ARHGAP32: variants seen among roughly 807,000 people sequenced by gnomAD.
The protein encoded by ARHGAP32 is Rho GTPase activating protein 32.
Under a neutral mutation model 186.5 loss-of-function variants are expected in ARHGAP32, and 51 were observed. The ratio of observed to expected loss-of-function variants is 0.27; its 90% CI spans 0.22 to 0.35. ARHGAP32 has a LOEUF of 0.35. ARHGAP32 is among the 10% of genes least tolerant of loss of function. ARHGAP32 has a pLI of 1.00. For missense variants in ARHGAP32, 2,186 were observed against 2,623.5 expected, an observed-to-expected ratio of 0.83 and a Z score of 3.64; for synonymous variants, 950 against 964.3, an observed-to-expected ratio of 0.99 and a Z score of 0.27.
intron 1 of ARHGAP32, among the ~76,000 whole-genome samples, chr11:129,184,237 AAGGCAG>A (rs2135538997): frequency 6.6e-6 from 1 of 152,252 alleles, no homozygotes; most frequent in South Asian, 2.1e-4. Flanking sequence ...TAAGACAAGC[AAGGCAG>A]AGCCATATGC....
chr11:129,169,631 CAAAAAAAAAAA>C (rs35715241), intron 1 of ARHGAP32, among the ~76,000 whole-genome samples: 5 of 75,150 alleles, frequency 6.7e-5, no homozygotes, highest in Admixed American at 3.3e-4. Context: ...GACTCTGTCT[CAAAAAAAAAAA>C]AAAAAAAAAA....
intron 17 of ARHGAP32, 33 bp downstream of exon 17, chr11:128,981,383 C>A (rs766678307): frequency 1.2e-5 from 19 of 1,547,836 alleles, no homozygotes; most frequent in Non-Finnish European, 4.4e-6. Flanking sequence ...CTGAGACACA[C>A]CCTCCTGGTA....
At position 129,239,094 on chromosome 11, in the gene ARHGAP32, C is replaced by A. The variant is rs149078942; in HGVS notation, c.-5+40052G>T. Among the ~76,000 whole-genome samples the A allele has an allele frequency of 2.8e-3, 432 of 152,296 alleles. 7 individuals carry two copies. The highest frequency in any genetic ancestry group is 1.0e-2 in the African/African-American group (414 of 41,558). On this transcript the variant is annotated intron_variant, in intron 1 of 6. Transcript: ENST00000525234. ...CAAACCCCTGGGCTCAAGCAATCCTCCCACCTCAACCTACCAAAGTGCTGG... is the reference window on the plus strand; with the variant it reads ...CAAACCCCTGGGCTCAAGCAATCCTACCACCTCAACCTACCAAAGTGCTGG...
At chr11:129,063,493 G>A (rs1177417927) in intron 9 of ARHGAP32, among the ~76,000 whole-genome samples, 1 of 151,868 alleles carries the variant, frequency 6.6e-6, no homozygotes, top group Non-Finnish European at 1.5e-5. Flanking sequence ...ATTGTTTTTA[G>A]GTACAAAAAC....
intron 2 of ARHGAP32, among the ~76,000 whole-genome samples, chr11:129,142,666 G>C (rs1158913270): frequency 6.6e-6 from 1 of 151,632 alleles, no homozygotes; most frequent in Non-Finnish European, 1.5e-5. Flanking sequence ...AATGCAATCA[G>C]TGTTAAGTAT....
intron 1 of ARHGAP32, among the ~76,000 whole-genome samples, chr11:129,198,931 G>A (rs1385383871): frequency 6.6e-6 from 1 of 152,276 alleles, no homozygotes; most frequent in Middle Eastern, 3.4e-3. Flanking sequence ...CATGGACAAT[G>A]AAATCCAGGC....
intron 12 of ARHGAP32, among the ~76,000 whole-genome samples, chr11:128,992,037 G>C (rs1946070669): frequency 6.6e-6 from 1 of 152,104 alleles, no homozygotes; most frequent in African/African-American, 2.4e-5. Context: ...TCAGGGAGAT[G>C]GTTTCCAGGC....
intron 1 of ARHGAP32, among the ~76,000 whole-genome samples, chr11:129,225,963 G>A (rs1284298710): frequency 6.6e-6 from 1 of 152,092 alleles, no homozygotes; most frequent in Non-Finnish European, 1.5e-5. Flanking sequence ...TACAATTACT[G>A]AAATGAAAAA....
chr11:129,096,363 A>G (rs1027282626), intron 5 of ARHGAP32, among the ~76,000 whole-genome samples: 1 of 152,192 alleles, frequency 6.6e-6, no homozygotes, highest in Admixed American at 6.5e-5. Flanking sequence ...CTTTCCACCT[A>G]GACAATAACT....
rs527740214 is a variant in ARHGAP32, at chr11:128,974,916, G to A, written c.2281C>T (p.Arg761Cys). 311 of 1,614,072 alleles carry A rather than the reference G, an allele frequency of 1.9e-4. 4 individuals carry two copies. In the South Asian group the frequency reaches 3.2e-3, roughly 16 times the overall value. ...ASFNGEMLGN[R>C]CNSYDNLPHD... ...GGCAGATTATCATAGGAGTTACAGC[G>A]GTTCCCCAGCATTTCTCCATTAAAA... The change falls in exon 21 of 23, where the codon CGC (arginine) becomes TGC (cysteine). Residue 761 changes from arginine (R) to cysteine (C), a missense_variant. Coordinates refer to ENST00000682385, the MANE Select transcript of ARHGAP32 (RefSeq NM_001378024.1).
intron 10 of ARHGAP32, among the ~76,000 whole-genome samples, chr11:129,054,688 TA>T (rs964937233): frequency 5.6e-4 from 85 of 151,696 alleles, no homozygotes; most frequent in African/African-American, 1.9e-3. Flanking sequence ...AGTTTAAAAA[TA>T]AAAAAAAGGG....
intron 5 of ARHGAP32, among the ~76,000 whole-genome samples, chr11:129,106,481 C>G (rs111927742): frequency 5.3e-5 from 8 of 151,830 alleles, no homozygotes; most frequent in African/African-American, 1.7e-4. Flanking sequence ...CAGGTACTTA[C>G]GGAAATAAAG....
intron 6 of ARHGAP32, among the ~76,000 whole-genome samples, chr11:129,090,149 A>G (rs1941532656): frequency 1.3e-5 from 2 of 152,164 alleles, no homozygotes; most frequent in African/African-American, 2.4e-5. Flanking sequence ...CTGCCTATAT[A>G]TTTTGTTCAT....
intron 5 of ARHGAP32, among the ~76,000 whole-genome samples, chr11:129,096,601 A>G (rs1278369876): frequency 6.7e-6 from 1 of 149,884 alleles, no homozygotes; most frequent in Non-Finnish European, 1.5e-5. Flanking sequence ...AACATACCTT[A>G]CAAGAGTCAA....
rs748983381 is a variant in ARHGAP32 at position 128,980,732 on chromosome 11, G to C, written c.1797C>G (p.Pro599=). 4 of 1,607,146 alleles carry C rather than the reference G, an allele frequency of 2.5e-6. No homozygotes were observed. The highest frequency in any genetic ancestry group is 3.4e-6 in the Non-Finnish European group (4 of 1,177,834). The part of the protein sequence containing the change: ...MQEGAASLSR[P]KSLLVSSPST... ...ATGGAGAGGATACCAGGAGGGACTTGGGCCTTGATAGAGAAGCTTCAAAAA... is the reference window on the plus strand; with the variant it reads ...ATGGAGAGGATACCAGGAGGGACTTCGGCCTTGATAGAGAAGCTTCAAAAA... Residue 599 remains proline (P), a synonymous_variant, in exon 18 of 23, where the codon CCC becomes CCG. Coordinates refer to ENST00000682385, the MANE Select transcript of ARHGAP32 (RefSeq NM_001378024.1).
In ARHGAP32 at chr11:128,974,259, C is replaced by T; in HGVS notation, c.2938G>A (p.Ala980Thr). The change falls in exon 21 of 23, where the codon GCC becomes ACC. Residue 980 changes from alanine to threonine, a missense_variant. Ala to Thr is a moderately conservative substitution (Grantham distance 58). Around this residue, in one of 5 missense-constraint regions of ARHGAP32, gnomAD observed 1,502 missense variants for 1,570.0 expected, o/e 0.96. Transcript: ENST00000682385. The part of the protein sequence containing the change: ...IVKMKTNETV[A>T]QEAYESEVQP... Reference sequence around the variant, plus strand: ...ACTTCAGATTCATATGCTTCTTGGGCAACTGTCTCATTTGTTTTCATCTTT... The same window carrying T: ...ACTTCAGATTCATATGCTTCTTGGGTAACTGTCTCATTTGTTTTCATCTTT... The T allele has an allele frequency of 6.2e-7, 1 of 1,614,176 alleles. No homozygotes were observed. Among genetic ancestry groups the T allele is most frequent in the Non-Finnish European group, 8.5e-7 (1 of 1,180,006 alleles).
chr11:129,236,320 G>A (rs1944934391), intron 1 of ARHGAP32, among the ~76,000 whole-genome samples: 1 of 152,132 alleles, frequency 6.6e-6, no homozygotes, highest in Admixed American at 6.6e-5. Flanking sequence ...CTGATAATCA[G>A]TGATGTTGAG....
intron 5 of ARHGAP32, among the ~76,000 whole-genome samples, chr11:129,120,611 A>T (rs1942502614): frequency 6.6e-6 from 1 of 152,162 alleles, no homozygotes; most frequent in African/African-American, 2.4e-5. Context: ...TCATTCCAGA[A>T]CTAAAAGCCA....
At position 128,967,135 on chromosome 11, in the gene ARHGAP32, T is replaced by G. The variant is rs1243732291; in HGVS notation, c.*1772A>C. The G allele has an allele frequency of 6.6e-6, 1 of 152,240 alleles. No individual in the cohort carries two copies. Among genetic ancestry groups the G allele is most frequent in the Admixed American group, 6.5e-5 (1 of 15,284 alleles). The allele number at this position is 152,240 out of a possible 1,614,324, so 9.4% of individuals were successfully genotyped here. A position where few individuals can be genotyped will look rare whatever the true frequency, so the allele number is the denominator to read the frequency against. On this transcript the variant is annotated 3_prime_UTR_variant, in exon 23 of 23. Transcript: ENST00000682385. Reference sequence around the variant, plus strand: ...AAACCTTATAGAATATTTCCACATATCAATGTGTTGTTCTTGAAACATTTT... The same window carrying G: ...AAACCTTATAGAATATTTCCACATAGCAATGTGTTGTTCTTGAAACATTTT...
Sources: allele counts gnomAD v4.1 joint callset (sites outside exome capture counted in the v4.1 genomes callset), GRCh38; gene constraint gnomAD v4.1.1; regional missense constraint gnomAD v4.1.1; transcripts MANE v1.5; gene names NCBI Gene and HGNC (gene_info 2026-07-23, HGNC 2026-07-21).